The following PDK3 variants were observed in gnomAD, a reference collection of about 807,000 sequenced individuals.
The protein encoded by PDK3 is pyruvate dehydrogenase kinase 3, also known as pyruvate dehydrogenase kinase, isozyme 3.
A neutral mutation model predicts 32.0 loss-of-function variants in PDK3; 12 were observed. That is an observed-to-expected ratio of 0.37 (90% CI 0.24 to 0.61). The LOEUF (loss-of-function observed/expected upper bound fraction) is 0.61, where lower values mean the gene tolerates loss of function less well. Among genes scored for constraint, PDK3 ranks in the 20% least tolerant of loss-of-function variants. The pLI, the probability that PDK3 is intolerant of heterozygous loss-of-function variation, is 0.65. For synonymous variants in PDK3, 122 were observed against 116.3 expected (o/e 1.05, Z -0.31); for missense variants, 188 against 316.9 (o/e 0.59, Z 3.09).
At chrX:24,497,445 C>A (rs1921744266) in intron 2 of PDK3, among the ~76,000 whole-genome samples, 1 of 111,704 alleles carries the variant, frequency 9.0e-6, no homozygotes, top group South Asian at 3.7e-4. Flanking sequence ...CCACCACGCC[C>A]AGCTAATTTT....
chrX:24,503,253 G>A (rs1270161717), intron 3 of PDK3, 74 bp from the exon 4 acceptor site: 9 of 646,918 alleles, frequency 1.4e-5, no homozygotes, highest in Non-Finnish European at 1.8e-5. Flanking sequence ...CTAGTCTGGG[G>A]ACAGAGCTGG....
At chrX:24,476,600 C>G (rs1214757426) in intron 1 of PDK3, among the ~76,000 whole-genome samples, 4 of 111,339 alleles carry the variant, frequency 3.6e-5, no homozygotes, top group African/African-American at 9.8e-5. Context: ...CCCTCCCCAC[C>G]CCCAAACACA....
downstream of PDK3, among the ~76,000 whole-genome samples, chrX:24,536,364 G>T (rs1291741901): frequency 7.2e-5 from 8 of 111,186 alleles, no homozygotes; most frequent in Non-Finnish European, 1.1e-4. Flanking sequence ...GTTTATAAAA[G>T]AATGTTTTTT....
chrX:24,482,508 C>T (rs1921287938), intron 1 of PDK3, among the ~76,000 whole-genome samples: 1 of 111,987 alleles, frequency 8.9e-6, no homozygotes, highest in Non-Finnish European at 1.9e-5. Context: ...GCTTTTAAAC[C>T]TACGCTCTTT....
At chrX:24,522,514 T>A (rs1171178737) in intron 6 of PDK3, among the ~76,000 whole-genome samples, 1 of 110,606 alleles carries the variant, frequency 9.0e-6, no homozygotes, top group African/African-American at 3.3e-5. Flanking sequence ...AGATTTGGGG[T>A]GAAAAGGTTG....
chrX:24,466,707 A>G (rs1280538465), intron 1 of PDK3, among the ~76,000 whole-genome samples: 1 of 111,298 alleles, frequency 9.0e-6, no homozygotes, highest in Non-Finnish European at 1.9e-5. Flanking sequence ...TTAGAAGCCA[A>G]TTTGCCAGAG....
intron 1 of PDK3, among the ~76,000 whole-genome samples, chrX:24,470,756 A>G (rs1288498665): frequency 9.2e-6 from 1 of 109,209 alleles, no homozygotes; most frequent in East Asian, 2.8e-4. Context: ...GAGGTTTTTA[A>G]GTCAGTTTGG....
intron 2 of PDK3, among the ~76,000 whole-genome samples, chrX:24,497,387 C>A (rs1241072076): frequency 8.9e-6 from 1 of 112,066 alleles, no homozygotes; most frequent in Non-Finnish European, 1.9e-5. Flanking sequence ...TGGGTTCAAG[C>A]GATTCTCCTG....
intron 3 of PDK3, among the ~76,000 whole-genome samples, chrX:24,499,357 C>A (rs1921795115): frequency 1.8e-5 from 2 of 111,328 alleles, no homozygotes; most frequent in Admixed American, 1.9e-4. Flanking sequence ...ATATAGCAAC[C>A]TGAATTCTAT....
downstream of PDK3, among the ~76,000 whole-genome samples, chrX:24,538,761 G>A (rs746022206): frequency 6.3e-5 from 7 of 111,454 alleles, no homozygotes; most frequent in African/African-American, 2.0e-4. Context: ...GCGACAGAGC[G>A]AGACTCCATC....
exon 12 of PDK3, chrX:24,548,617 A>T (rs761242745): frequency 8.9e-6 from 1 of 112,465 alleles, no homozygotes; most frequent in African/African-American, 3.2e-5. Context: ...ACTACTCTTT[A>T]GTTCATCTTT....
At chrX:24,475,000 G>A (rs942272567) in intron 1 of PDK3, among the ~76,000 whole-genome samples, 3 of 111,367 alleles carry the variant, frequency 2.7e-5, no homozygotes, top group African/African-American at 9.8e-5. Flanking sequence ...ACTCCCTTTC[G>A]CAAAGTCTTG....
At chrX:24,547,033 A>G (rs1186509803) in exon 12 of PDK3, 1 of 112,366 alleles carries the variant, frequency 8.9e-6, no homozygotes, top group Admixed American at 9.4e-5. Context: ...AATTGACTTC[A>G]GTTCTCTCCA....
chrX:24,493,779 TA>T (rs1476153292), intron 1 of PDK3, among the ~76,000 whole-genome samples: 51 of 112,312 alleles, frequency 4.5e-4, no homozygotes, highest in African/African-American at 1.6e-3. Flanking sequence ...TGAAGAAGCT[TA>T]CCAAAGGTTT....
At chrX:24,495,001 G>T in intron 2 of PDK3, 118 bp downstream of exon 2, 1 of 563,051 alleles carries the variant, frequency 1.8e-6, no homozygotes. Context: ...GAGTCATTTG[G>T]GATAGCTGGG....
intron 5 of PDK3, among the ~76,000 whole-genome samples, chrX:24,516,369 G>A (rs1051064850): frequency 2.7e-5 from 3 of 111,796 alleles, no homozygotes. Flanking sequence ...GAAGGCATAT[G>A]TTCACACAAA....
rs1922635080 is a variant in PDK3 at position 24,531,048 on chromosome X, T to TG, written c.964-609_964-608insG. Among the ~76,000 whole-genome samples the TG allele has an allele frequency of 3.3e-5, 3 of 91,579 alleles. No homozygotes were observed. In the South Asian group the frequency reaches 1.9e-3, roughly 57 times the overall value. 79.5% of individuals were successfully genotyped at this position (91,579 alleles called of 115,157 possible). ...CATTCCACTTGATTTGGAATGTGCT[T>TG]TTGTGTGTGTGTGTGTGTGTGTGTG... is the stretch of plus-strand genomic sequence containing the variant. On this transcript the variant is annotated intron_variant, in intron 9 of 10. Transcript: ENST00000379162.
At position 24,540,843 on chromosome X, in the gene PDK3, T is replaced by TAA. The variant is rs199895709; in HGVS notation, c.*1693_*1694dup. The stretch of plus-strand genomic sequence containing the variant: ...TTATTTTTGTGTGGCATAAAAGATG[T>TAA]AAAAAAAAAAAAAAATGGTCCTTTA... On this transcript the variant is annotated 3_prime_UTR_variant, in exon 12 of 12. Transcript: ENST00000568479. Among the ~76,000 whole-genome samples, 25 of 70,751 alleles carry TAA rather than the reference T, an allele frequency of 3.5e-4. No individual in the cohort carries two copies. In the South Asian group the frequency reaches 0.011, roughly 31 times the overall value. 61.4% of individuals were successfully genotyped at this position (70,751 alleles called of 115,157 possible).
chrX:24,486,622 G>A (rs1921407134), intron 1 of PDK3, among the ~76,000 whole-genome samples: 1 of 110,838 alleles, frequency 9.0e-6, no homozygotes, highest in Admixed American at 9.6e-5. Flanking sequence ...CTGAAGTTCT[G>A]ACTCACTCTT....
Sources: gnomAD v4.1 joint callset for allele counts (sites outside exome capture counted in the v4.1 genomes callset) on GRCh38, gnomAD v4.1.1 for gene constraint, MANE v1.5 for transcripts, NCBI Gene and HGNC (gene_info 2026-07-23, HGNC 2026-07-21) for gene names.